The following VWC2 variants were observed in gnomAD, a reference collection of about 807,000 sequenced individuals.
VWC2 encodes von Willebrand factor C domain containing 2, also known as brorin.
Under a neutral mutation model 29.8 loss-of-function variants are expected in VWC2, and 14 were observed. The observed-to-expected ratio is 0.47, with a 90% CI of 0.31 to 0.74. VWC2 has a LOEUF of 0.74. Among genes scored for constraint, VWC2 ranks in the 30% least tolerant of loss-of-function variants. VWC2 has a pLI of 0.05. For synonymous variants in VWC2, 213 were observed against 199.0 expected (o/e 1.07, Z -0.59); for missense variants, 457 against 459.8 (o/e 0.99, Z 0.05).
At chr7:49,793,133 T>A (rs1305573822) in intron 2 of VWC2, among the ~76,000 whole-genome samples, 1 of 152,216 alleles carries the variant, frequency 6.6e-6, no homozygotes, top group Non-Finnish European at 1.5e-5. Flanking sequence ...AGATGGCTAC[T>A]GGTTGGAGGT....
intron 3 of VWC2, among the ~76,000 whole-genome samples, chr7:49,885,731 G>C (rs1408933090): frequency 6.6e-6 from 1 of 152,218 alleles, no homozygotes. Context: ...GTAAGAAATT[G>C]GGGCTAATTT....
In VWC2 at chr7:49,919,527, G is replaced by A. The variant is rs554368235; in HGVS notation, c.*7342G>A. On this transcript the variant is annotated 3_prime_UTR_variant, in exon 4 of 4. Coordinates refer to ENST00000340652, the MANE Select transcript of VWC2 (RefSeq NM_198570.5). ...TGCCTGCTTGGGCTAGTTATACTCT[G>A]CAGTATACCCTGGTTTATTGTGAGG... 6.6e-6 allele frequency: 1 copy of A among 152,108 alleles called. No homozygotes were observed. Among genetic ancestry groups the A allele is most frequent in the African/African-American group, 2.4e-5 (1 of 41,478 alleles). The allele number at this position is 152,108 out of a possible 1,614,324, so 9.4% of individuals were successfully genotyped here.
intron 2 of VWC2, among the ~76,000 whole-genome samples, chr7:49,797,826 C>A (rs536428597): frequency 6.6e-6 from 1 of 152,196 alleles, no homozygotes; most frequent in Non-Finnish European, 1.5e-5. Flanking sequence ...AGAATGAATT[C>A]TTTTCTCAAA....
intron 3 of VWC2, among the ~76,000 whole-genome samples, chr7:49,886,068 T>G (rs1354098883): frequency 6.6e-6 from 1 of 152,122 alleles, no homozygotes; most frequent in African/African-American, 2.4e-5. Context: ...AGCCTGGAGA[T>G]AGGGGAGAGG....
chr7:49,897,931 GA>G (rs1366952152), intron 3 of VWC2, among the ~76,000 whole-genome samples: 4 of 152,244 alleles, frequency 2.6e-5, no homozygotes, highest in South Asian at 2.1e-4. Context: ...AGGGGGAGGG[GA>G]AAAATAGCCA....
chr7:49,834,918 G>C (rs1583659521), intron 3 of VWC2, among the ~76,000 whole-genome samples: 1 of 152,284 alleles, frequency 6.6e-6, no homozygotes, highest in East Asian at 1.9e-4. Context: ...GCCAGGATGG[G>C]GGAGATATTG....
chr7:49,862,057 A>C (rs1790671348), intron 3 of VWC2, among the ~76,000 whole-genome samples: 1 of 152,170 alleles, frequency 6.6e-6, no homozygotes, highest in Admixed American at 6.5e-5. Context: ...GACTCTGTAG[A>C]TTTCTTTGGG....
chr7:49,822,205 A>C (rs1363534333), intron 3 of VWC2, among the ~76,000 whole-genome samples: 1 of 152,044 alleles, frequency 6.6e-6, no homozygotes, highest in Non-Finnish European at 1.5e-5. Context: ...TAAAAAAAAA[A>C]CTCTAGCTTT....
At chr7:49,800,116 G>A (rs1460113696) in intron 2 of VWC2, among the ~76,000 whole-genome samples, 1 of 152,206 alleles carries the variant, frequency 6.6e-6, no homozygotes, top group African/African-American at 2.4e-5. Context: ...ATGCTGGCCT[G>A]TGTGCATGCC....
At chr7:49,793,982 T>G (rs1320831082) in intron 2 of VWC2, among the ~76,000 whole-genome samples, 1 of 152,166 alleles carries the variant, frequency 6.6e-6, no homozygotes, top group African/African-American at 2.4e-5. Context: ...AGGGCACAAA[T>G]GCGCTCATTC....
At chr7:49,774,695 C>T (rs1304202279) in intron 1 of VWC2, among the ~76,000 whole-genome samples, 1 of 152,174 alleles carries the variant, frequency 6.6e-6, no homozygotes, top group Non-Finnish European at 1.5e-5. Flanking sequence ...CCGACCCGGC[C>T]CTCTGGCAAG....
chr7:49,829,348 C>T (rs529051466), intron 3 of VWC2, among the ~76,000 whole-genome samples: 30 of 152,240 alleles, frequency 2.0e-4, no homozygotes, highest in African/African-American at 7.2e-4. Flanking sequence ...TACAACCTGC[C>T]AGAGTTTTGG....
chr7:49,839,943 G>A (rs691895), intron 3 of VWC2, among the ~76,000 whole-genome samples: 27,182 of 152,172 alleles, frequency 0.18, 3,032 homozygotes, highest in South Asian at 0.33. Context: ...TCTAGGATCA[G>A]ATCATGTTTT....
intron 3 of VWC2, chr7:49,901,279 CTTTG>C (rs1156973406): frequency 2.6e-5 from 4 of 151,796 alleles, no homozygotes; most frequent in African/African-American, 7.2e-5. Context: ...ATAAAACTGT[CTTTG>C]TTTGCAGATG....
intron 3 of VWC2, chr7:49,901,276 T>C (rs1187864496): frequency 6.6e-6 from 1 of 151,762 alleles, no homozygotes; most frequent in South Asian, 2.1e-4. Context: ...GAAATAAAAC[T>C]GTCTTTGTTT....
At chr7:49,895,546 AG>A (rs1410123119) in intron 3 of VWC2, among the ~76,000 whole-genome samples, 1 of 152,220 alleles carries the variant, frequency 6.6e-6, no homozygotes, top group Non-Finnish European at 1.5e-5. Context: ...GCTGTCCATG[AG>A]GCAAGAAAAG....
intron 2 of VWC2, among the ~76,000 whole-genome samples, chr7:49,784,753 A>G (rs1788256173): frequency 6.6e-6 from 1 of 152,220 alleles, no homozygotes; most frequent in Non-Finnish European, 1.5e-5. Context: ...GCAAAGTCCA[A>G]ATGGAATATG....
In VWC2 at chr7:49,850,691, C is replaced by T. The variant is rs529801079; in HGVS notation, c.826+47851C>T. Among the ~76,000 whole-genome samples, 29 of 152,368 alleles carry T rather than the reference C, an allele frequency of 1.9e-4. 1 individual carries two copies. In the South Asian group the frequency reaches 5.8e-3, roughly 30 times the overall value. ...CCATCTTCTGGAAAAAAGCCAGTGTCAGACAACTTGTGTTCATGTATTGGT... is the reference window on the plus strand; with the variant it reads ...CCATCTTCTGGAAAAAAGCCAGTGTTAGACAACTTGTGTTCATGTATTGGT... On this transcript the variant is annotated intron_variant, in intron 3 of 3. Coordinates refer to ENST00000340652, the MANE Select transcript of VWC2 (RefSeq NM_198570.5).
rs1038591031 is a variant in VWC2, at chr7:49,775,562, C to T, written c.127C>T (p.Pro43Ser). 6.5e-7 allele frequency: 1 copy of T among 1,548,188 alleles called. No individual in the cohort carries two copies. The highest frequency in any genetic ancestry group is 8.7e-7 in the Non-Finnish European group (1 of 1,149,864). Residue 43 changes from proline to serine, a missense_variant, in exon 2 of 4, where the codon CCG (proline) becomes TCG (serine). By Grantham distance (74) the Pro-to-Ser change is moderately conservative. Coordinates refer to ENST00000340652, the MANE Select transcript of VWC2 (RefSeq NM_198570.5). ...LEKLAQAPEQPGQEKREHASR... is the reference protein window; with the variant it reads ...LEKLAQAPEQSGQEKREHASR... ...GAAGCTGGCCCAGGCACCAGAGCAG[C>T]CGGGCCAGGAGAAGCGTGAGCACGC...
Sources: allele counts gnomAD v4.1 joint callset (sites outside exome capture counted in the v4.1 genomes callset), GRCh38; gene constraint gnomAD v4.1.1; transcripts MANE v1.5; gene names NCBI Gene and HGNC (gene_info 2026-07-23, HGNC 2026-07-21).